SPIRE1: variants seen among roughly 807,000 people sequenced by gnomAD.
SPIRE1 encodes spire type actin nucleation factor 1, also known as protein spire homolog 1.
Under a neutral mutation model 94.1 loss-of-function variants are expected in SPIRE1, and 40 were observed. That is an observed-to-expected ratio of 0.43 (90% CI 0.33 to 0.55). SPIRE1 has a LOEUF of 0.55. Among genes scored for constraint, SPIRE1 ranks in the 20% least tolerant of loss-of-function variants. The pLI is 0.06. For synonymous variants in SPIRE1, 376 were observed against 371.7 expected (o/e 1.01, Z -0.13); for missense variants, 838 against 975.2 (o/e 0.86, Z 1.87).
At chr18:12,588,339 T>C (rs1402523688) in intron 2 of SPIRE1, 1 of 152,512 alleles carries the variant, frequency 6.6e-6, no homozygotes, top group Non-Finnish European at 1.5e-5. Flanking sequence ...CTATTCACTA[T>C]AGTAAGTCTT....
chr18:12,458,448 A>G (rs28528282), intron 12 of SPIRE1, among the ~76,000 whole-genome samples: 111 of 151,790 alleles, frequency 7.3e-4, no homozygotes, highest in African/African-American at 2.4e-3. Context: ...CGTCTCTACT[A>G]AAAATACAAA....
chr18:12,627,587 A>G (rs575534575), intron 2 of SPIRE1, among the ~76,000 whole-genome samples: 17 of 152,288 alleles, frequency 1.1e-4, no homozygotes, highest in African/African-American at 4.1e-4. Flanking sequence ...TAATGGGATC[A>G]CTAGGTCAAA....
At chr18:12,499,661 A>G (rs552826311) in intron 6 of SPIRE1, among the ~76,000 whole-genome samples, 18 of 152,340 alleles carry the variant, frequency 1.2e-4, no homozygotes, top group African/African-American at 4.3e-4. Context: ...ACATAAGGGA[A>G]AATCTTCATG....
chr18:12,607,191 T>G (rs1160654606), intron 2 of SPIRE1, among the ~76,000 whole-genome samples: 1 of 152,178 alleles, frequency 6.6e-6, no homozygotes, highest in African/African-American at 2.4e-5. Context: ...GTCACCAATA[T>G]TCACAGAAAG....
chr18:12,472,002 C>T (rs2032380842), intron 10 of SPIRE1, among the ~76,000 whole-genome samples: 1 of 152,098 alleles, frequency 6.6e-6, no homozygotes, highest in Non-Finnish European at 1.5e-5. Context: ...CCAGGCTAGT[C>T]TTCAACTCCT....
chr18:12,607,622 C>T (rs1295970781), intron 2 of SPIRE1, among the ~76,000 whole-genome samples: 1 of 151,822 alleles, frequency 6.6e-6, no homozygotes, highest in Non-Finnish European at 1.5e-5. Flanking sequence ...CACACACACA[C>T]ACACACACAC....
At position 12,479,759 on chromosome 18, in the gene SPIRE1, T is replaced by C. The variant is rs747397199; in HGVS notation, c.1344A>G (p.Ala448=). 3.7e-6 allele frequency: 6 copies of C among 1,614,146 alleles called. No individual in the cohort carries two copies. Among genetic ancestry groups the C allele is most frequent in the Non-Finnish European group, 4.2e-6 (5 of 1,179,986 alleles). ...GGGCTCTGAGGAGCTTCTTCCGCTG[T>C]GCAGGCACCTGCTGTGAGGTACTTA... The part of the protein sequence containing the change: ...NGLSTSQQVP[A]QRKKLLRAPT... Residue 448 remains alanine, a synonymous_variant, in exon 10 of 17, where the codon GCA becomes GCG. Transcript: ENST00000409402.
In SPIRE1 at chr18:12,452,259, C is replaced by T. The variant is rs2031278266; in HGVS notation, c.2008G>A (p.Ala670Thr). The change falls in exon 16 of 17, where the codon GCC (alanine) becomes ACC (threonine). Residue 670 changes from alanine (A) to threonine (T), a missense_variant. Transcript: ENST00000409402. ...CAACCCAGGCCCCTTGCTCACCTGG[C>T]AATGCTCCGAAGTGGCCGATGATGG... ...TAHHRPLRSIARFSSKSKSMD... is the reference protein window; with the variant it reads ...TAHHRPLRSITRFSSKSKSMD... 6.2e-6 allele frequency: 10 copies of T among 1,613,748 alleles called. No homozygotes were observed. Among genetic ancestry groups the T allele is most frequent in the Non-Finnish European group, 8.5e-6 (10 of 1,179,938 alleles).
Position 12,496,089 on chromosome 18 carries a change from A to G in SPIRE1, c.986T>C (p.Ile329Thr). The change falls in exon 7 of 17, where the codon ATT (isoleucine) becomes ACT (threonine). Residue 329 changes from isoleucine to threonine, a missense_variant. Ile to Thr is a moderately conservative substitution (Grantham distance 89). Around this residue, in one of 2 missense-constraint regions of SPIRE1, gnomAD observed 645 missense variants for 804.7 expected, o/e 0.80. Coordinates refer to ENST00000409402, the MANE Select transcript of SPIRE1 (RefSeq NM_001128626.2). The part of the protein sequence containing the change: ...TLRKVMVNGD[I>T]PPRLKKSAHE... ...AGCACTCTTTTTTAACCGAGGGGGA[A>G]TATCACCATTCACCTAAAAGGAGAC... 1 of 1,613,112 alleles carries G rather than the reference A, an allele frequency of 6.2e-7. No homozygotes were observed. The highest frequency in any genetic ancestry group is 2.2e-5 in the East Asian group (1 of 44,852).
At chr18:12,450,049 T>C (rs1655621201) in intron 16 of SPIRE1, among the ~76,000 whole-genome samples, 153 bp from the exon 17 acceptor site, 1 of 152,150 alleles carries the variant, frequency 6.6e-6, no homozygotes, top group African/African-American at 2.4e-5. Context: ...AAATTTCTTA[T>C]TGGTGACAAG....
intron 1 of SPIRE1, 117 bp downstream of exon 1, chr18:12,657,413 T>G: frequency 1.2e-6 from 1 of 853,866 alleles, no homozygotes; most frequent in African/African-American, 1.8e-5. Flanking sequence ...CCCGGGGGTC[T>G]CCCGTGGCAA....
rs191416063 is a variant in SPIRE1 at position 12,485,166 on chromosome 18, G to A, written c.1231+793C>T. On this transcript the variant is annotated intron_variant, in intron 9 of 16. Coordinates refer to ENST00000409402, the MANE Select transcript of SPIRE1 (RefSeq NM_001128626.2). ...GTTGCCCAGGCTGATGTTCAGTGGC[G>A]CGATCTCGGCTCACTGCAACCTCCG... Among the ~76,000 whole-genome samples, 92 of 148,420 alleles carry A rather than the reference G, an allele frequency of 6.2e-4. 2 individuals carry two copies. The East Asian group carries it at 9.4e-3, about 15-fold the overall frequency.
chr18:12,622,878 T>C (rs1032791338), intron 2 of SPIRE1, among the ~76,000 whole-genome samples: 1 of 152,236 alleles, frequency 6.6e-6, no homozygotes, highest in Non-Finnish European at 1.5e-5. Flanking sequence ...TTCACTATGG[T>C]GTCCTTCTTC....
intron 4 of SPIRE1, among the ~76,000 whole-genome samples, chr18:12,522,145 C>A (rs1260170764): frequency 6.6e-6 from 1 of 152,096 alleles, no homozygotes; most frequent in East Asian, 1.9e-4. Flanking sequence ...CACCAAACAG[C>A]CAAGTTGTGA....
At chr18:12,486,773 G>A (rs1352507383) in intron 8 of SPIRE1, among the ~76,000 whole-genome samples, 5 of 152,100 alleles carry the variant, frequency 3.3e-5, no homozygotes, top group African/African-American at 9.7e-5. Flanking sequence ...CTTCCTTATC[G>A]TATTTTCACT....
intron 2 of SPIRE1, among the ~76,000 whole-genome samples, chr18:12,615,542 C>CAAAAAAAAA (rs71174108): frequency 1.3e-5 from 1 of 75,804 alleles, no homozygotes; most frequent in East Asian, 5.3e-4. Context: ...TCTATCTCCA[C>CAAAAAAAAA]AAAAAAAAAA....
chr18:12,508,287 C>T (rs2033906755), intron 5 of SPIRE1, among the ~76,000 whole-genome samples: 1 of 152,082 alleles, frequency 6.6e-6, no homozygotes, highest in Non-Finnish European at 1.5e-5. Flanking sequence ...AATAACGATT[C>T]ATAATTTTAA....
chr18:12,456,327 T>C (rs975246742), intron 12 of SPIRE1, among the ~76,000 whole-genome samples: 13 of 152,224 alleles, frequency 8.5e-5, no homozygotes, highest in African/African-American at 3.1e-4. Flanking sequence ...TTTTGAGGGT[T>C]AGGCCATTAA....
At chr18:12,585,812 T>C (rs2036379043) in intron 2 of SPIRE1, among the ~76,000 whole-genome samples, 1 of 152,228 alleles carries the variant, frequency 6.6e-6, no homozygotes, top group Admixed American at 6.5e-5. Context: ...CATATACATA[T>C]ATATTTTTCT....
Sources: allele counts gnomAD v4.1 joint callset (sites outside exome capture counted in the v4.1 genomes callset), GRCh38; gene constraint gnomAD v4.1.1; regional missense constraint gnomAD v4.1.1; transcripts MANE v1.5; gene names NCBI Gene and HGNC (gene_info 2026-07-23, HGNC 2026-07-21).